ARHGEF26: variants seen among roughly 807,000 people sequenced by gnomAD.
ARHGEF26 encodes Rho guanine nucleotide exchange factor 26, also known as Rho guanine nucleotide exchange factor (GEF) 26.
A neutral mutation model predicts 89.4 loss-of-function variants in ARHGEF26; 59 were observed. The observed-to-expected ratio is 0.66, with a 90% CI of 0.54 to 0.82. ARHGEF26 has a LOEUF of 0.82. Ranked by LOEUF, ARHGEF26 falls within the 40% of genes least tolerant of loss-of-function variation. ARHGEF26 has a pLI of 0.00. For synonymous variants in ARHGEF26, 500 were observed against 428.4 expected (o/e 1.17, Z -2.06); for missense variants, 1,234 against 1,085.6 (o/e 1.14, Z -1.92).
At chr3:154,190,729 T>G (rs1178114055) in intron 7 of ARHGEF26, among the ~76,000 whole-genome samples, 1 of 152,214 alleles carries the variant, frequency 6.6e-6, no homozygotes, top group Non-Finnish European at 1.5e-5. Flanking sequence ...ATTAATACTT[T>G]TCTTGCATTA....
intron 5 of ARHGEF26, among the ~76,000 whole-genome samples, chr3:154,151,106 C>A (rs1719992243): frequency 1.3e-5 from 2 of 152,170 alleles, no homozygotes; most frequent in South Asian, 4.1e-4. Context: ...AATGAAGTGA[C>A]TTTGGACAGC....
At chr3:154,227,498 G>A (rs1241632439) in intron 11 of ARHGEF26, among the ~76,000 whole-genome samples, 2 of 152,026 alleles carry the variant, frequency 1.3e-5, no homozygotes, top group East Asian at 3.9e-4. Flanking sequence ...AGCTAGGATG[G>A]TCTCAATCTC....
At chr3:154,173,771 A>G (rs1244879324) in intron 6 of ARHGEF26, among the ~76,000 whole-genome samples, 3 of 152,182 alleles carry the variant, frequency 2.0e-5, no homozygotes, top group African/African-American at 4.8e-5. Flanking sequence ...TTCTCTGCAT[A>G]TGTAGAGTGG....
intron 6 of ARHGEF26, among the ~76,000 whole-genome samples, chr3:154,166,078 A>G (rs913647869): frequency 9.2e-5 from 14 of 151,952 alleles, no homozygotes; most frequent in South Asian, 2.1e-4. Flanking sequence ...GTCTCGCTCT[A>G]TTGCCCAGGC....
chr3:154,187,813 A>G lies in ARHGEF26; in HGVS notation c.1616A>G (p.Gln539Arg). Reference protein sequence around the residue: ...YVKYCTNEVYQQRTLQKLLAT... With the variant: ...YVKYCTNEVYRQRTLQKLLAT... ...AAATACTGCACAAATGAAGTCTACCAACAACGAACACTACAAAAATTGTTG... is the reference window on the plus strand; with the variant it reads ...AAATACTGCACAAATGAAGTCTACCGACAACGAACACTACAAAAATTGTTG... Residue 539 changes from glutamine (Q) to arginine (R), a missense_variant, in exon 7 of 15, where the codon CAA (glutamine) becomes CGA (arginine). Gln to Arg is a conservative substitution (Grantham distance 43, BLOSUM62 1). Coordinates refer to ENST00000465093, the MANE Select transcript of ARHGEF26 (RefSeq NM_015595.4). 1 of 1,609,966 alleles carries G rather than the reference A, an allele frequency of 6.2e-7. No individual in the cohort carries two copies. The highest frequency in any genetic ancestry group is 8.5e-7 in the Non-Finnish European group (1 of 1,177,792).
chr3:154,218,557 TGA>T (rs1339405214), intron 10 of ARHGEF26, among the ~76,000 whole-genome samples: 2 of 152,252 alleles, frequency 1.3e-5, no homozygotes, highest in East Asian at 3.8e-4. Flanking sequence ...GGCTCATGGC[TGA>T]GTTTTTAATG....
chr3:154,152,645 T>C, intron 5 of ARHGEF26, 127 bp from the exon 6 acceptor site: 1 of 600,984 alleles, frequency 1.7e-6, no homozygotes, highest in Non-Finnish European at 2.6e-6. Flanking sequence ...ATGTTCTTTT[T>C]GTACTTTCCA....
rs780965083 is a variant in ARHGEF26 at position 154,256,932 on chromosome 3, AG to A, written c.*1465del. 4 of 1,534,686 alleles carry A rather than the reference AG, an allele frequency of 2.6e-6. No homozygotes were observed. Among genetic ancestry groups the A allele is most frequent in the African/African-American group, 2.7e-5 (2 of 73,068 alleles). On this transcript the variant is annotated 3_prime_UTR_variant, in exon 15 of 15. Coordinates refer to ENST00000465093, the MANE Select transcript of ARHGEF26 (RefSeq NM_015595.4). ...TGGAGATGAAGGATGGGAGATTAAG[AG>A]GGGGGAAATGATTTTTACTGGCAGC... is the stretch of plus-strand genomic sequence containing the variant.
intron 3 of ARHGEF26, 126 bp from the exon 4 acceptor site, chr3:154,129,448 T>C: frequency 9.4e-7 from 1 of 1,063,804 alleles, no homozygotes. Context: ...CTTCAGGGAC[T>C]AAATCTGTTT....
At chr3:154,143,600 A>G (rs1719517201) in intron 4 of ARHGEF26, among the ~76,000 whole-genome samples, 1 of 152,216 alleles carries the variant, frequency 6.6e-6, no homozygotes, top group Non-Finnish European at 1.5e-5. Context: ...CTACTGAAGT[A>G]AAAGAAATAC....
chr3:154,121,039 C>CT (rs1717854943), upstream of ARHGEF26: 1 of 152,276 alleles, frequency 6.6e-6, no homozygotes, highest in Non-Finnish European at 1.5e-5. Flanking sequence ...CTCACAAAGT[C>CT]TACTACGCCG....
At chr3:154,124,549 A>G in intron 3 of ARHGEF26, 100 bp downstream of exon 3, 1 of 1,056,660 alleles carries the variant, frequency 9.5e-7, no homozygotes, top group Non-Finnish European at 1.4e-6. Context: ...TACGATGAGA[A>G]ATATGTCCAA....
intron 11 of ARHGEF26, 95 bp from the exon 12 acceptor site, chr3:154,240,274 AC>A (rs1379278585): frequency 7.4e-6 from 6 of 813,356 alleles, no homozygotes; most frequent in Non-Finnish European, 9.7e-6. Flanking sequence ...CTTCCTGCCC[AC>A]TCCTTGCTGT....
chr3:154,146,834 G>C (rs1719732170), intron 4 of ARHGEF26, among the ~76,000 whole-genome samples: 1 of 152,116 alleles, frequency 6.6e-6, no homozygotes, highest in Non-Finnish European at 1.5e-5. Flanking sequence ...CATATATTCT[G>C]TTTAAAATTC....
rs747606820 is a variant in ARHGEF26 at position 154,122,448 on chromosome 3, G to T, written c.456G>T (p.Ala152=). The change falls in exon 2 of 15, where the codon GCG becomes GCT. Residue 152 remains alanine, a synonymous_variant. Coordinates refer to ENST00000465093, the MANE Select transcript of ARHGEF26 (RefSeq NM_015595.4). ...PVLRPPRTPN[A]PAPCTPEEDL... Reference sequence around the variant, plus strand: ...TGCGCCCCCCGCGGACTCCTAACGCGCCCGCCCCCTGCACCCCCGAGGAGG... The same window carrying T: ...TGCGCCCCCCGCGGACTCCTAACGCTCCCGCCCCCTGCACCCCCGAGGAGG... 219 of 1,611,670 alleles carry T rather than the reference G, an allele frequency of 1.4e-4. No individual in the cohort carries two copies. The highest frequency in any genetic ancestry group is 1.8e-4 in the Non-Finnish European group (215 of 1,179,508).
intron 9 of ARHGEF26, among the ~76,000 whole-genome samples, chr3:154,205,744 C>T (rs953927366): frequency 3.9e-5 from 6 of 152,098 alleles, no homozygotes; most frequent in African/African-American, 1.2e-4. Context: ...AGCAAGGAAA[C>T]AAGCAAACAG....
In ARHGEF26 at chr3:154,206,076, T is replaced by A. The variant is rs72994622; in HGVS notation, c.1845+11358T>A. ...AGCATTTCTTGCAGGAAAGGTCTAG[T>A]GTTGATGAAATGCCTCAGCTTTTGT... is the stretch of plus-strand genomic sequence containing the variant. On this transcript the variant is annotated intron_variant, in intron 9 of 14. Transcript: ENST00000465093. Among the ~76,000 whole-genome samples, 696 of 152,324 alleles carry A rather than the reference T, an allele frequency of 4.6e-3. 5 individuals carry two copies. The highest frequency in any genetic ancestry group is 0.016 in the African/African-American group (670 of 41,574).
At chr3:154,170,814 C>T (rs997388903) in intron 6 of ARHGEF26, among the ~76,000 whole-genome samples, 2 of 152,148 alleles carry the variant, frequency 1.3e-5, no homozygotes, top group African/African-American at 4.8e-5. Context: ...GATTAGCTGC[C>T]CCTTTCATTC....
chr3:154,131,755 G>A (rs1254379674), intron 4 of ARHGEF26, among the ~76,000 whole-genome samples: 1 of 152,172 alleles, frequency 6.6e-6, no homozygotes, highest in East Asian at 1.9e-4. Flanking sequence ...GGATTTTTAT[G>A]TCAGTTACAC....
Sources: gnomAD v4.1 joint callset for allele counts (sites outside exome capture counted in the v4.1 genomes callset) on GRCh38, gnomAD v4.1.1 for gene constraint, MANE v1.5 for transcripts, NCBI Gene and HGNC (gene_info 2026-07-23, HGNC 2026-07-21) for gene names.